ACSF2: variants seen among roughly 807,000 people sequenced by gnomAD.
ACSF2 encodes the protein medium-chain acyl-CoA ligase ACSF2, mitochondrial.
A neutral mutation model predicts 79.3 loss-of-function variants in ACSF2; 52 were observed. The ratio of observed to expected loss-of-function variants is 0.66; its 90% CI spans 0.53 to 0.83. The LOEUF (loss-of-function observed/expected upper bound fraction) is 0.83. Among genes scored for constraint, ACSF2 ranks in the 40% least tolerant of loss-of-function variants. ACSF2 has a pLI of 0.00. For missense variants in ACSF2, 661 were observed against 803.3 expected, an observed-to-expected ratio of 0.82 and a Z score of 2.14; for synonymous variants, 283 against 312.6, an observed-to-expected ratio of 0.91 and a Z score of 1.00.
Position 50,461,702 on chromosome 17 carries a change from C to G in ACSF2, c.507+16C>G. On this transcript the variant is annotated intron_variant, in intron 4 of 15. Transcript: ENST00000300441. ...CCTCAAGAAGGTACAGCTCATTTGTCGGGGAGGGGCCCGGCTGGGGCCTGG... is the reference window on the plus strand; with the variant it reads ...CCTCAAGAAGGTACAGCTCATTTGTGGGGGAGGGGCCCGGCTGGGGCCTGG... The G allele has an allele frequency of 6.2e-7, 1 of 1,613,888 alleles. No individual in the cohort carries two copies. The highest frequency in any genetic ancestry group is 1.3e-5 in the African/African-American group (1 of 75,000).
At chr17:50,442,677 G>A (rs536436449) in intron 1 of ACSF2, among the ~76,000 whole-genome samples, 3 of 152,140 alleles carry the variant, frequency 2.0e-5, no homozygotes, top group African/African-American at 7.2e-5. Context: ...TGTTGCTCAG[G>A]CTGGCCTGAG....
intron 10 of ACSF2, chr17:50,465,508 A>C (rs148337700): frequency 6.3e-7 from 1 of 1,578,386 alleles, no homozygotes; most frequent in Non-Finnish European, 8.6e-7. Context: ...GCAGTGAACT[A>C]TGGGGCCAGG....
chr17:50,467,473 G>A (rs2032808154), intron 10 of ACSF2, among the ~76,000 whole-genome samples: 1 of 152,176 alleles, frequency 6.6e-6, no homozygotes, highest in Non-Finnish European at 1.5e-5. Context: ...GATTGGGCAG[G>A]GCCATCCACC....
intron 1 of ACSF2, among the ~76,000 whole-genome samples, chr17:50,431,850 A>G (rs180872211): frequency 6.6e-6 from 1 of 152,270 alleles, no homozygotes; most frequent in African/African-American, 2.4e-5. Flanking sequence ...GATTCAAATG[A>G]ACCACTTTCT....
At chr17:50,455,413 G>T (rs2031931805) in intron 1 of ACSF2, among the ~76,000 whole-genome samples, 1 of 152,142 alleles carries the variant, frequency 6.6e-6, no homozygotes, top group African/African-American at 2.4e-5. Context: ...TAGGAAGTGG[G>T]GATAGGAAGT....
chr17:50,427,056 A>G, intron 1 of ACSF2: 2 of 1,452,370 alleles, frequency 1.4e-6, no homozygotes, highest in African/African-American at 2.8e-5. Flanking sequence ...AGTGCTTGAG[A>G]CACAGAGAGC....
chr17:50,464,231 G>A lies in ACSF2; in HGVS notation c.1152G>A (p.Gly384=). The A allele has an allele frequency of 6.2e-7, 1 of 1,614,152 alleles. No homozygotes were observed. The change falls in exon 10 of 16, where the codon GGG becomes GGA. Residue 384 remains glycine (G), a synonymous_variant. Coordinates refer to ENST00000300441, the MANE Select transcript of ACSF2 (RefSeq NM_025149.6). ...ISTMCGGVIA[G]SPAPPELIRA... is the part of the protein sequence containing the mutation. ...TCTCTGATTCAGGTGTCATTGCTGG[G>A]TCCCCTGCACCTCCAGAGTTGATCC...
Position 50,463,994 on chromosome 17 carries a change from A to G in ACSF2, c.1138+85A>G. ...GCCCGGGTGAGTTAGCTATGCTCCC[A>G]GTCTTTTATATAGGGGGCAAGAAGG... On this transcript the variant is annotated intron_variant, in intron 9 of 15. Coordinates refer to ENST00000300441, the MANE Select transcript of ACSF2 (RefSeq NM_025149.6). This position sits in a 1 kb window ranked among gnomAD's most constrained non-coding sequence, Gnocchi z 4.6. 2 of 1,054,024 alleles carry G rather than the reference A, an allele frequency of 1.9e-6. No homozygotes were observed. The highest frequency in any genetic ancestry group is 2.7e-4 in the Middle Eastern group (1 of 3,668). 65.3% of individuals were successfully genotyped at this position (1,054,024 alleles called of 1,614,324 possible). A position where few individuals can be genotyped will look rare whatever the true frequency, so the allele number is the denominator to read the frequency against.
At chr17:50,438,747 A>G (rs2030637344) in intron 1 of ACSF2, among the ~76,000 whole-genome samples, 1 of 151,856 alleles carries the variant, frequency 6.6e-6, no homozygotes, top group Admixed American at 6.6e-5. Flanking sequence ...TTGGATTTTT[A>G]GTAGACATGG....
At chr17:50,462,780 C>G in intron 6 of ACSF2, 195 bp downstream of exon 6, 1 of 661,612 alleles carries the variant, frequency 1.5e-6, no homozygotes, top group Non-Finnish European at 2.5e-6. Context: ...GCCCCCCGCC[C>G]TCTCCACTCC....
At chr17:50,434,034 G>A (rs1479399505) in intron 1 of ACSF2, among the ~76,000 whole-genome samples, 1 of 151,880 alleles carries the variant, frequency 6.6e-6, no homozygotes, top group Non-Finnish European at 1.5e-5. Flanking sequence ...CTGAAAATGG[G>A]CCAGGCACAG....
Position 50,463,939 on chromosome 17 carries a change from G to A in ACSF2, c.1138+30G>A. The A allele has an allele frequency of 6.2e-7, 1 of 1,606,940 alleles. No homozygotes were observed. Among genetic ancestry groups the A allele is most frequent in the Non-Finnish European group, 8.5e-7 (1 of 1,173,922 alleles). ...GGTGGGGCCAAGGGCAGCCAGGCTT[G>A]GGGAGGGGGCTGCTTCCCCCACAGG... On this transcript the variant is annotated intron_variant, in intron 9 of 15. Transcript: ENST00000300441. This position sits in a 1 kb window ranked among gnomAD's most constrained non-coding sequence, Gnocchi z 4.6.
At chr17:50,472,961 C>A (rs910266931) in intron 12 of ACSF2, 7 of 164,864 alleles carry the variant, frequency 4.2e-5, no homozygotes, top group Non-Finnish European at 9.1e-5. Context: ...CGATAAATAA[C>A]ACCAAGAAAA....
chr17:50,466,819 A>C (rs966181485), intron 10 of ACSF2, among the ~76,000 whole-genome samples: 75 of 152,238 alleles, frequency 4.9e-4, no homozygotes, highest in African/African-American at 1.8e-3. Context: ...CCCTGCCCCA[A>C]ACCAGCCCCT....
Position 50,465,036 on chromosome 17 carries a change from G to A in ACSF2, c.1215+742G>A. ...AAGGCAGAGGCCAGTCACCAGGACT[G>A]GCTGGGTCAGAACCTGCAAAGAGGC... On this transcript the variant is annotated intron_variant, in intron 10 of 15. Transcript: ENST00000300441. 3 of 500,856 alleles carry A rather than the reference G, an allele frequency of 6.0e-6. No homozygotes were observed. The South Asian group carries it at 6.6e-5, about 11-fold the overall frequency. 31.0% of individuals were successfully genotyped at this position (500,856 alleles called of 1,614,324 possible).
chr17:50,472,355 T>C, intron 11 of ACSF2, 73 bp from the exon 12 acceptor site: 1 of 1,547,276 alleles, frequency 6.5e-7, no homozygotes, highest in Non-Finnish European at 8.7e-7. Flanking sequence ...GGCAAAGCTC[T>C]CTCCATTTCC....
In ACSF2 at chr17:50,474,313, G is replaced by A. The variant is rs1167104018; in HGVS notation, c.1797+46G>A. The A allele has an allele frequency of 6.9e-6, 11 of 1,592,742 alleles. No homozygotes were observed. The South Asian group carries it at 1.2e-4, about 18-fold the overall frequency. ...TGGGGAGGGCAGCCTGGGCTCTGGG[G>A]CCCCATAGGGCCCCACCTCTGTTTC... is the stretch of plus-strand genomic sequence containing the variant. On this transcript the variant is annotated intron_variant, in intron 15 of 15. Coordinates refer to ENST00000300441, the MANE Select transcript of ACSF2 (RefSeq NM_025149.6). This position sits in a 1 kb window ranked among gnomAD's most constrained non-coding sequence, Gnocchi z 4.2.
At chr17:50,466,591 G>A (rs767084271) in intron 10 of ACSF2, among the ~76,000 whole-genome samples, 4 of 152,176 alleles carry the variant, frequency 2.6e-5, no homozygotes, top group Non-Finnish European at 5.9e-5. Flanking sequence ...GGTGAACTTG[G>A]TCTGTGCTTG....
intron 1 of ACSF2, chr17:50,427,034 G>A: frequency 6.6e-7 from 1 of 1,519,400 alleles, no homozygotes; most frequent in Non-Finnish European, 8.8e-7. Context: ...CCCGTGAGAT[G>A]GCAAATGTGA....
Sources: gnomAD v4.1 joint callset for allele counts (sites outside exome capture counted in the v4.1 genomes callset) on GRCh38, gnomAD v4.1.1 for gene constraint, Gnocchi (gnomAD v3.1) non-coding constraint, MANE v1.5 for transcripts, NCBI Gene and HGNC (gene_info 2026-07-23, HGNC 2026-07-21) for gene names.